The following ATRNL1 variants were observed in gnomAD, a reference collection of about 807,000 sequenced individuals.
ATRNL1 encodes attractin like 1, also known as attractin-like protein 1.
A neutral mutation model predicts 182.7 loss-of-function variants in ATRNL1; 95 were observed. The observed-to-expected ratio is 0.52, with a 90% confidence interval of 0.44 to 0.62. The LOEUF (loss-of-function observed/expected upper bound fraction) is 0.62. ATRNL1 is among the 20% of genes least tolerant of loss of function. ATRNL1 has a pLI of 0.00. For synonymous variants in ATRNL1, 576 were observed against 568.3 expected, an observed-to-expected ratio of 1.01 and a Z score of -0.19; for missense variants, 1,471 against 1,679.5, an observed-to-expected ratio of 0.88 and a Z score of 2.17.
intron 24 of ATRNL1, among the ~76,000 whole-genome samples, chr10:115,483,258 A>G (rs1848855925): frequency 6.6e-6 from 1 of 151,380 alleles, no homozygotes; most frequent in African/African-American, 2.4e-5. Context: ...ATAATGAAAG[A>G]AGTCACCAGA....
intron 26 of ATRNL1, among the ~76,000 whole-genome samples, chr10:115,640,945 T>C (rs1859201752): frequency 6.6e-6 from 1 of 152,200 alleles, no homozygotes; most frequent in Non-Finnish European, 1.5e-5. Flanking sequence ...AGTTAATTTT[T>C]GTATAAGGTG....
chr10:115,121,472 A>G (rs1844732193), intron 2 of ATRNL1, among the ~76,000 whole-genome samples: 1 of 152,138 alleles, frequency 6.6e-6, no homozygotes, highest in Non-Finnish European at 1.5e-5. Flanking sequence ...CTGTTAATAG[A>G]TTTTGAAAGT....
At chr10:115,428,944 A>AT (rs1846026472) in intron 21 of ATRNL1, among the ~76,000 whole-genome samples, 1 of 152,090 alleles carries the variant, frequency 6.6e-6, no homozygotes, top group South Asian at 2.1e-4. Flanking sequence ...TGTTGGTAAC[A>AT]TTTTTTAATT....
At chr10:115,137,231 G>A (rs1845554809) in intron 5 of ATRNL1, among the ~76,000 whole-genome samples, 1 of 152,138 alleles carries the variant, frequency 6.6e-6, no homozygotes, top group African/African-American at 2.4e-5. Flanking sequence ...TTGGTTGAAA[G>A]CAACAGAAAC....
intron 26 of ATRNL1, among the ~76,000 whole-genome samples, chr10:115,696,900 C>A (rs2420105): frequency 0.4 from 53,957 of 134,510 alleles, 10,323 homozygotes; most frequent in Admixed American, 0.54. Flanking sequence ...AGAGAGAGAG[C>A]GAGCGAGCTA....
chr10:115,726,704 A>G (rs1258453082), intron 26 of ATRNL1, among the ~76,000 whole-genome samples: 1 of 152,218 alleles, frequency 6.6e-6, no homozygotes, highest in Non-Finnish European at 1.5e-5. Context: ...AAAATTATAA[A>G]CACTGCCAAT....
At chr10:115,877,258 A>C (rs1455287769) in intron 28 of ATRNL1, among the ~76,000 whole-genome samples, 1 of 152,220 alleles carries the variant, frequency 6.6e-6, no homozygotes, top group Non-Finnish European at 1.5e-5. Flanking sequence ...AAGAGATATC[A>C]CTTCTCTTTA....
intron 26 of ATRNL1, among the ~76,000 whole-genome samples, chr10:115,605,300 C>G (rs1555017241): frequency 6.6e-6 from 1 of 151,978 alleles, no homozygotes; most frequent in African/African-American, 2.4e-5. Context: ...GTTTCCCTCT[C>G]CATCTGATGG....
intron 25 of ATRNL1, among the ~76,000 whole-genome samples, chr10:115,523,858 A>G (rs1412604999): frequency 6.6e-6 from 1 of 152,118 alleles, no homozygotes; most frequent in Non-Finnish European, 1.5e-5. Flanking sequence ...GCAACATACC[A>G]CTTCCTGGCA....
intron 5 of ATRNL1, among the ~76,000 whole-genome samples, chr10:115,155,052 A>G (rs186772611): frequency 5.3e-5 from 8 of 152,298 alleles, no homozygotes; most frequent in Admixed American, 4.6e-4. Flanking sequence ...TATCATTATA[A>G]AATGACCTTC....
At chr10:115,650,954 A>G (rs1859952343) in intron 26 of ATRNL1, among the ~76,000 whole-genome samples, 1 of 152,112 alleles carries the variant, frequency 6.6e-6, no homozygotes, top group African/African-American at 2.4e-5. Flanking sequence ...ATAACTCTGA[A>G]TATATTTTAA....
chr10:115,864,134 C>G (rs562600709), intron 28 of ATRNL1, among the ~76,000 whole-genome samples: 1 of 152,226 alleles, frequency 6.6e-6, no homozygotes, highest in South Asian at 2.1e-4. Flanking sequence ...TGGCATGTGC[C>G]TATAGTTCCA....
At chr10:115,389,441 A>G (rs1843850179) in intron 19 of ATRNL1, among the ~76,000 whole-genome samples, 1 of 146,504 alleles carries the variant, frequency 6.8e-6, no homozygotes, top group South Asian at 2.2e-4. Flanking sequence ...TGGACCTGGG[A>G]GGTGGAGGTT....
intron 28 of ATRNL1, among the ~76,000 whole-genome samples, chr10:115,849,615 G>GTACTT (rs1284950736): frequency 2.6e-5 from 4 of 152,234 alleles, no homozygotes; most frequent in African/African-American, 9.6e-5. Context: ...GATATGCATA[G>GTACTT]TACTTTACTC....
At chr10:115,184,424 CTATA>C (rs144965834) in intron 8 of ATRNL1, among the ~76,000 whole-genome samples, 3 of 149,060 alleles carry the variant, frequency 2.0e-5, no homozygotes, top group East Asian at 3.9e-4. Context: ...CTATGTATAA[CTATA>C]TATATATATA....
At chr10:115,512,897 G>A (rs536727361) in intron 24 of ATRNL1, among the ~76,000 whole-genome samples, 1 of 152,036 alleles carries the variant, frequency 6.6e-6, no homozygotes, top group African/African-American at 2.4e-5. Context: ...ACTTAAGAAT[G>A]ATTCTCCTTT....
intron 20 of ATRNL1, among the ~76,000 whole-genome samples, chr10:115,411,274 A>G (rs900311924): frequency 6.6e-6 from 1 of 150,672 alleles, no homozygotes; most frequent in Non-Finnish European, 1.5e-5. Flanking sequence ...TAAATTAAAT[A>G]TTTAAATTTA....
At chr10:115,099,926 A>G (rs554532957) in intron 1 of ATRNL1, among the ~76,000 whole-genome samples, 1 of 152,316 alleles carries the variant, frequency 6.6e-6, no homozygotes, top group African/African-American at 2.4e-5. Flanking sequence ...TTTTTCAAAG[A>G]ATCTAAGTTT....
At chr10:115,850,159 G>C (rs1406510028) in intron 28 of ATRNL1, among the ~76,000 whole-genome samples, 1 of 152,148 alleles carries the variant, frequency 6.6e-6, no homozygotes, top group Non-Finnish European at 1.5e-5. Context: ...AAGAGGGGTA[G>C]ATGGACTGAT....
Sources: allele counts gnomAD v4.1 joint callset (sites outside exome capture counted in the v4.1 genomes callset), GRCh38; gene constraint gnomAD v4.1.1; transcripts MANE v1.5; gene names NCBI Gene and HGNC (gene_info 2026-07-23, HGNC 2026-07-21).